MAST2: variants seen among roughly 807,000 people sequenced by gnomAD.
MAST2 encodes microtubule associated serine/threonine kinase 2.
MAST2 carries 70 observed loss-of-function variants against 147.4 expected under a neutral mutation model. The observed-to-expected ratio is 0.47, with a 90% CI of 0.39 to 0.58. MAST2 has a LOEUF of 0.58. MAST2 is among the 20% of genes least tolerant of loss of function. The pLI is 0.00. For missense variants in MAST2, 2,080 were observed against 2,302.3 expected (o/e 0.90, Z 1.98); for synonymous variants, 869 against 896.8 (o/e 0.97, Z 0.55).
intron 1 of MAST2, among the ~76,000 whole-genome samples, chr1:45,819,316 C>T (rs139276643): frequency 6.1e-4 from 93 of 151,292 alleles, no homozygotes; most frequent in African/African-American, 2.2e-3. Context: ...TGCAAACCAC[C>T]GCAATTACGT....
At chr1:45,835,252 A>T (rs1017808137) in intron 3 of MAST2, among the ~76,000 whole-genome samples, 16 of 152,142 alleles carry the variant, frequency 1.1e-4, no homozygotes, top group Non-Finnish European at 2.1e-4. Flanking sequence ...TTCGCATCAC[A>T]TTAACAAAGT....
chr1:45,899,326 T>TTTTTTTTTTTTTTTTTTTC, intron 4 of MAST2, among the ~76,000 whole-genome samples: 1 of 150,042 alleles, frequency 6.7e-6, no homozygotes, highest in Non-Finnish European at 1.5e-5. Flanking sequence ...TTTTTTTTTT[T>TTTTTTTTTTTTTTTTTTTC]TAGATTCAGG....
In MAST2 at chr1:45,931,940, C is replaced by G. The variant is rs969179775; in HGVS notation, c.501-27446C>G. ...TCCTGGGTTCAGGTAATCCTCCTGC[C>G]TCGGCCTCCCAAAGGGCTGGGATTA... On this transcript the variant is annotated intron_variant, in intron 4 of 28. Coordinates refer to ENST00000361297, the MANE Select transcript of MAST2 (RefSeq NM_015112.3). 5.3e-5 allele frequency among the ~76,000 whole-genome samples: 8 copies of G among 152,300 alleles called. No individual in the cohort carries two copies. In the East Asian group the frequency reaches 1.4e-3, roughly 26 times the overall value.
At chr1:45,874,455 C>T (rs1457528068) in intron 3 of MAST2, among the ~76,000 whole-genome samples, 3 of 152,172 alleles carry the variant, frequency 2.0e-5, no homozygotes, top group Non-Finnish European at 4.4e-5. Flanking sequence ...AACTACCAGC[C>T]AGGAGACTGT....
intron 3 of MAST2, among the ~76,000 whole-genome samples, chr1:45,839,386 C>T (rs556050955): frequency 6.6e-6 from 1 of 152,206 alleles, no homozygotes; most frequent in African/African-American, 2.4e-5. Context: ...CCTCAGCCTC[C>T]CAAAGTGCTG....
At chr1:46,021,703 C>T (rs1387772568) in intron 11 of MAST2, among the ~76,000 whole-genome samples, 1 of 152,176 alleles carries the variant, frequency 6.6e-6, no homozygotes, top group Non-Finnish European at 1.5e-5. Context: ...AGAGTAAAAC[C>T]TCTAGTTCTT....
In MAST2 at chr1:46,025,782, A is replaced by G. The variant is rs369428862; in HGVS notation, c.1886A>G (p.Tyr629Cys). The change falls in exon 16 of 29, where the codon TAT becomes TGT. Residue 629 changes from tyrosine to cysteine, a missense_variant. Transcript: ENST00000361297. ...CTGGCCCTGGAGTACTTACACAACT[A>G]TGGCATCGTGCACCGTGACCTCAAG... is the stretch of plus-strand genomic sequence containing the variant. ...TVLALEYLHNYGIVHRDLKPD... is the reference protein window; with the variant it reads ...TVLALEYLHNCGIVHRDLKPD... 4 of 1,614,070 alleles carry G rather than the reference A, an allele frequency of 2.5e-6. No individual in the cohort carries two copies. In the African/African-American group the frequency reaches 4.0e-5, roughly 16 times the overall value.
chr1:45,930,562 C>T (rs1557923285), intron 4 of MAST2, among the ~76,000 whole-genome samples: 1 of 152,122 alleles, frequency 6.6e-6, no homozygotes, highest in Non-Finnish European at 1.5e-5. Flanking sequence ...GGCAATAGAA[C>T]ACTTCGCAGC....
At chr1:46,029,386 T>C in intron 18 of MAST2, 80 bp from the exon 19 acceptor site, 1 of 1,221,036 alleles carries the variant, frequency 8.2e-7, no homozygotes, top group Admixed American at 2.2e-5. Flanking sequence ...TCCTTTCCTT[T>C]CACTGTTCTG....
chr1:45,966,499 G>A (rs1661227540), intron 5 of MAST2, among the ~76,000 whole-genome samples: 1 of 152,014 alleles, frequency 6.6e-6, no homozygotes, highest in South Asian at 2.1e-4. Context: ...GGGAGGCCAA[G>A]GTGGGCAGAT....
intron 4 of MAST2, among the ~76,000 whole-genome samples, chr1:45,939,735 T>C (rs2148786479): frequency 6.6e-6 from 1 of 152,020 alleles, no homozygotes. Flanking sequence ...AGAAACGGAG[T>C]TTCACCATGT....
At chr1:45,866,415 C>T (rs1646153861) in intron 3 of MAST2, among the ~76,000 whole-genome samples, 1 of 152,160 alleles carries the variant, frequency 6.6e-6, no homozygotes, top group Non-Finnish European at 1.5e-5. Flanking sequence ...GATGTATGTT[C>T]AAGCAGCTGC....
intron 1 of MAST2, among the ~76,000 whole-genome samples, chr1:45,806,726 C>T (rs569306997): frequency 6.6e-6 from 1 of 152,236 alleles, no homozygotes; most frequent in Non-Finnish European, 1.5e-5. Context: ...TACAGGCATG[C>T]ACCACCATGC....
At chr1:45,976,036 G>A (rs1644140311) in intron 5 of MAST2, among the ~76,000 whole-genome samples, 1 of 150,964 alleles carries the variant, frequency 6.6e-6, no homozygotes, top group African/African-American at 2.4e-5. Context: ...GTGCAGTGGT[G>A]CAATTTCGGC....
intron 10 of MAST2, among the ~76,000 whole-genome samples, chr1:46,015,234 A>G (rs1441770960): frequency 6.6e-6 from 1 of 152,006 alleles, no homozygotes; most frequent in East Asian, 1.9e-4. Context: ...GAAAGATCCA[A>G]AATTGACACC....
At chr1:45,906,097 A>G (rs1396220187) in intron 4 of MAST2, among the ~76,000 whole-genome samples, 1 of 152,148 alleles carries the variant, frequency 6.6e-6, no homozygotes, top group African/African-American at 2.4e-5. Context: ...TCTTTTGTGA[A>G]ATGTGTTCAG....
intron 5 of MAST2, among the ~76,000 whole-genome samples, chr1:45,963,693 C>G (rs1660765002): frequency 6.6e-6 from 1 of 152,212 alleles, no homozygotes; most frequent in Non-Finnish European, 1.5e-5. Context: ...GATATACAAT[C>G]ATGTCATCTG....
intron 4 of MAST2, among the ~76,000 whole-genome samples, chr1:45,925,146 T>C (rs139206171): frequency 6.6e-6 from 1 of 152,322 alleles, no homozygotes; most frequent in East Asian, 1.9e-4. Context: ...GCCTCTTTAT[T>C]GACTGTATCT....
At chr1:45,973,781 TC>T (rs2149006645) in intron 5 of MAST2, among the ~76,000 whole-genome samples, 1 of 152,318 alleles carries the variant, frequency 6.6e-6, no homozygotes, top group African/African-American at 2.4e-5. Flanking sequence ...TAGCATGTGA[TC>T]ACCTGAGCCA....
Sources: gnomAD v4.1 joint callset for allele counts (sites outside exome capture counted in the v4.1 genomes callset) on GRCh38, gnomAD v4.1.1 for gene constraint, MANE v1.5 for transcripts, NCBI Gene and HGNC (gene_info 2026-07-23, HGNC 2026-07-21) for gene names.